Variants in CAMKK2 observed in about 807,000 individuals in gnomAD.
CAMKK2 encodes calcium/calmodulin dependent protein kinase kinase 2.
CAMKK2 carries 30 observed loss-of-function variants against 67.2 expected under a neutral mutation model. The ratio of observed to expected loss-of-function variants is 0.45; its 90% CI spans 0.33 to 0.61. The LOEUF (loss-of-function observed/expected upper bound fraction) is 0.61, where lower values mean the gene tolerates loss of function less well. Ranked by LOEUF, CAMKK2 falls within the 20% of genes least tolerant of loss-of-function variation. The probability of loss-of-function intolerance (pLI) is 0.02; values close to 1 mark genes in which losing one functional copy is unlikely to be tolerated. For synonymous variants in CAMKK2, 322 were observed against 326.2 expected (o/e 0.99, Z 0.14); for missense variants, 643 against 802.0 (o/e 0.80, Z 2.39).
intron 14 of CAMKK2, among the ~76,000 whole-genome samples, chr12:121,248,275 C>T (rs3794207): frequency 0.3 from 45,141 of 152,124 alleles, 7,133 homozygotes; most frequent in East Asian, 0.35. Flanking sequence ...TCCAGCTAGG[C>T]GGGAATCCTG....
intron 7 of CAMKK2, among the ~76,000 whole-genome samples, chr12:121,256,195 G>A (rs570192416): frequency 1.6e-4 from 24 of 152,126 alleles, no homozygotes; most frequent in Non-Finnish European, 3.2e-4. Context: ...CCTGGCCAAC[G>A]TGGCAAAACC....
chr12:121,255,519 G>C (rs773808367), intron 9 of CAMKK2, 31 bp downstream of exon 9: 2 of 1,567,824 alleles, frequency 1.3e-6, no homozygotes, highest in Admixed American at 3.5e-5. Flanking sequence ...ACTACCCACT[G>C]GGTGAGAGCC....
In CAMKK2 at chr12:121,245,422, C is replaced by A. The variant is rs957471559; in HGVS notation, c.1453-182G>T. Among the ~76,000 whole-genome samples, 1 of 152,190 alleles carries A rather than the reference C, an allele frequency of 6.6e-6. No individual in the cohort carries two copies. Among genetic ancestry groups the A allele is most frequent in the African/African-American group, 2.4e-5 (1 of 41,444 alleles). On this transcript the variant is annotated intron_variant, in intron 14 of 16. Transcript: ENST00000404169. This position sits in a 1 kb window ranked among gnomAD's most constrained non-coding sequence, Gnocchi z 5.8. ...GCAACCAACCCCCGCCGAAAGAATCCTCTGGGAAAAGGTGCTGTCCTGCAC... is the reference window on the plus strand; with the variant it reads ...GCAACCAACCCCCGCCGAAAGAATCATCTGGGAAAAGGTGCTGTCCTGCAC...
chr12:121,254,029 G>C (rs990830410), intron 9 of CAMKK2, among the ~76,000 whole-genome samples: 9 of 152,182 alleles, frequency 5.9e-5, no homozygotes, highest in African/African-American at 2.2e-4. Flanking sequence ...CTGGGGTGAT[G>C]ATGATGATGA....
At chr12:121,256,758 T>A (rs1892372656) in intron 7 of CAMKK2, among the ~76,000 whole-genome samples, 1 of 152,218 alleles carries the variant, frequency 6.6e-6, no homozygotes, top group Non-Finnish European at 1.5e-5. Context: ...AATGGCTGAA[T>A]AATATTCCAT....
intron 6 of CAMKK2, 174 bp from the exon 7 acceptor site, chr12:121,260,529 G>A: frequency 3.1e-6 from 2 of 637,012 alleles, no homozygotes; most frequent in Non-Finnish European, 5.6e-6. Context: ...CCCAGAGTGT[G>A]AGATCCTAAT....
intron 6 of CAMKK2, among the ~76,000 whole-genome samples, chr12:121,263,426 G>T (rs931247034): frequency 4.3e-4 from 65 of 152,270 alleles, no homozygotes; most frequent in African/African-American, 1.6e-3. Flanking sequence ...TGTAAATAAA[G>T]TTTTACTAGA....
rs1488345162 is a variant in CAMKK2 at position 121,239,929 on chromosome 12, C to T, written c.*770G>A. 1 of 155,960 alleles carries T rather than the reference C, an allele frequency of 6.4e-6. No individual in the cohort carries two copies. Among genetic ancestry groups the T allele is most frequent in the African/African-American group, 2.4e-5 (1 of 41,456 alleles). 9.7% of individuals were successfully genotyped at this position (155,960 alleles called of 1,614,324 possible). On this transcript the variant is annotated 3_prime_UTR_variant, in exon 17 of 17. Transcript: ENST00000404169. ...TTTCGTAATTTGACAAAGAGATTTA[C>T]CAGAGCTCGGTCAGCTATCTCAGAA...
chr12:121,255,915 GTA>G (rs1462683950), intron 7 of CAMKK2, 111 bp from the exon 8 acceptor site: 1 of 996,292 alleles, frequency 1.0e-6, no homozygotes, highest in Non-Finnish European at 1.6e-6. Context: ...ACAGAAACTA[GTA>G]TTAGAGCTGG....
chr12:121,253,464 G>A lies in CAMKK2; in HGVS notation c.916C>T (p.Gln306Ter). ...LIKGIEYLHY[Q>*]KIIHRDIKPS... ...TTGATGTCACGGTGGATGATCTTCT[G>A]GTAGTGTACTGGGGAGGCGTAGACA... The change falls in exon 10 of 17, where the codon CAG becomes TAG. Residue 306 changes from glutamine to a stop codon, truncating the protein, a stop_gained. Transcript: ENST00000404169. LOFTEE classifies it high-confidence loss of function. This position sits in a 1 kb window ranked among gnomAD's most constrained non-coding sequence, Gnocchi z 5.0. 6.2e-7 allele frequency: 1 copy of A among 1,614,130 alleles called. No individual in the cohort carries two copies. Among genetic ancestry groups the A allele is most frequent in the Non-Finnish European group, 8.5e-7 (1 of 1,180,002 alleles).
chr12:121,251,987 T>C (rs899852330), intron 11 of CAMKK2, among the ~76,000 whole-genome samples: 2 of 152,152 alleles, frequency 1.3e-5, no homozygotes. Context: ...CTTCTAGGAA[T>C]ACCCTGACGG....
rs1226846397 is a variant in CAMKK2 at position 121,239,217 on chromosome 12, C to A, written c.*1482G>T. ...GGGAAGCAGAGTTTCCCGGTGCCGT[C>A]TTTCCCCAGCCCAGATTCCACCAAG... is the stretch of plus-strand genomic sequence containing the variant. On this transcript the variant is annotated 3_prime_UTR_variant, in exon 17 of 17. Coordinates refer to ENST00000404169, the MANE Select transcript of CAMKK2 (RefSeq NM_001270485.2). 2 of 152,208 alleles carry A rather than the reference C, an allele frequency of 1.3e-5. No individual in the cohort carries two copies. Among genetic ancestry groups the A allele is most frequent in the African/African-American group, 4.8e-5 (2 of 41,450 alleles). 9.4% of individuals were successfully genotyped at this position (152,208 alleles called of 1,614,324 possible). A position where few individuals can be genotyped will look rare whatever the true frequency, so the allele number is the denominator to read the frequency against.
chr12:121,293,806 C>T (rs1900594990), intron 1 of CAMKK2, among the ~76,000 whole-genome samples: 3 of 152,104 alleles, frequency 2.0e-5, no homozygotes, highest in African/African-American at 7.2e-5. Context: ...CAGATTCACA[C>T]CAGTCTGAGG....
chr12:121,275,717 G>A (rs1896668585), intron 1 of CAMKK2, among the ~76,000 whole-genome samples: 1 of 152,064 alleles, frequency 6.6e-6, no homozygotes, highest in Admixed American at 6.6e-5. Context: ...GGGAATGGCT[G>A]CTTAATGGGC....
At chr12:121,262,921 A>G (rs144399058) in intron 6 of CAMKK2, among the ~76,000 whole-genome samples, 2 of 152,304 alleles carry the variant, frequency 1.3e-5, no homozygotes, top group East Asian at 3.9e-4. Context: ...TGTGGTAGAT[A>G]TTAATAAATA....
intron 16 of CAMKK2, among the ~76,000 whole-genome samples, chr12:121,242,335 C>G (rs1216691198): frequency 6.7e-6 from 1 of 149,780 alleles, no homozygotes; most frequent in Non-Finnish European, 1.5e-5. Flanking sequence ...AGTGCAAGAC[C>G]CTGTCTCAAA....
chr12:121,240,147 A>G lies in CAMKK2; in HGVS notation c.*552T>C, dbSNP rs1180930827. On this transcript the variant is annotated 3_prime_UTR_variant, in exon 17 of 17. Transcript: ENST00000404169. This position sits in a 1 kb window ranked among gnomAD's most constrained non-coding sequence, Gnocchi z 4.4. ...AATTTAAAAATCCTTCTTACAAATA[A>G]GTTGCATCAAAGCTCCCTGCAGCTA... 7.8e-6 allele frequency: 3 copies of G among 386,190 alleles called. No individual in the cohort carries two copies. The highest frequency in any genetic ancestry group is 4.2e-5 in the Admixed American group (1 of 24,060). The allele number at this position is 386,190 out of a possible 1,614,324, so 23.9% of individuals were successfully genotyped here.
In CAMKK2 at chr12:121,245,250, G is replaced by A. The variant is rs757891849; in HGVS notation, c.1453-10C>T. On this transcript the variant is annotated splice_polypyrimidine_tract_variant and intron_variant, in intron 14 of 16. Transcript: ENST00000404169. The surrounding 1 kb of genome is among the most constrained non-coding windows in gnomAD (Gnocchi z 5.8). ...TGGTCTTCACCAGGATCTGAAGAGG[G>A]AGAAAAGAGGAGGTGGCAGGCAACT... 3.2e-6 allele frequency: 5 copies of A among 1,563,354 alleles called. No homozygotes were observed. The highest frequency in any genetic ancestry group is 2.3e-5 in the South Asian group (2 of 87,268).
intron 1 of CAMKK2, among the ~76,000 whole-genome samples, chr12:121,290,207 C>A (rs1642400857): frequency 6.6e-6 from 1 of 152,202 alleles, no homozygotes; most frequent in Non-Finnish European, 1.5e-5. Flanking sequence ...TCCTCTCAGG[C>A]CAGCTTTCCA....
Sources: gnomAD v4.1 joint callset for allele counts (sites outside exome capture counted in the v4.1 genomes callset) on GRCh38, gnomAD v4.1.1 for gene constraint, Gnocchi (gnomAD v3.1) non-coding constraint, MANE v1.5 for transcripts, NCBI Gene and HGNC (gene_info 2026-07-23, HGNC 2026-07-21) for gene names.